PRDM1: variants seen among roughly 807,000 people sequenced by gnomAD.
PRDM1 encodes PR domain zinc finger protein 1.
PRDM1 carries 13 observed loss-of-function variants against 62.8 expected under a neutral mutation model. That is an observed-to-expected ratio of 0.21 (90% CI 0.13 to 0.33). The LOEUF is 0.33. Among genes scored for constraint, PRDM1 ranks in the 10% least tolerant of loss-of-function variants. The probability of loss-of-function intolerance (pLI) is 1.00; values close to 1 mark genes in which losing one functional copy is unlikely to be tolerated. For missense variants in PRDM1, 895 were observed against 1,058.8 expected, an observed-to-expected ratio of 0.85 and a Z score of 2.15; for synonymous variants, 396 against 417.6, an observed-to-expected ratio of 0.95 and a Z score of 0.63.
rs1279600866 is a variant in PRDM1, at chr6:106,109,493, T to A, written c.*2007T>A. 2 of 233,584 alleles carry A rather than the reference T, an allele frequency of 8.6e-6. No homozygotes were observed. The highest frequency in any genetic ancestry group is 1.7e-5 in the Non-Finnish European group (2 of 117,986). 14.5% of individuals were successfully genotyped at this position (233,584 alleles called of 1,614,324 possible). ...GTAGAAGAGAACAAATTTCGAATAATCCAGGGAAACCCAAGAGCCTTACTG... is the reference window on the plus strand; with the variant it reads ...GTAGAAGAGAACAAATTTCGAATAAACCAGGGAAACCCAAGAGCCTTACTG... On this transcript the variant is annotated 3_prime_UTR_variant, in exon 7 of 7. Coordinates refer to ENST00000369096, the MANE Select transcript of PRDM1 (RefSeq NM_001198.4).
Position 105,994,884 on chromosome 6 carries a change from C to T in PRDM1, c.-67+1245C>T, listed in dbSNP as rs561702465. ...CCCGGCCACGCGGTCCGACCGGGTC[C>T]GGGGACGGCGCGCTTGTCGCGGGAG... On this transcript the variant is annotated intron_variant, in intron 1 of 6. Coordinates refer to the PRDM1 transcript ENST00000652320. The surrounding 1 kb of genome is among the most constrained non-coding windows in gnomAD (Gnocchi z 4.1). 3.3e-5 allele frequency among the ~76,000 whole-genome samples: 5 copies of T among 152,332 alleles called. No homozygotes were observed. Among genetic ancestry groups the T allele is most frequent in the African/African-American group, 1.2e-4 (5 of 41,582 alleles).
intron 1 of PRDM1, among the ~76,000 whole-genome samples, chr6:106,052,552 A>T (rs1228995141): frequency 6.6e-6 from 1 of 152,146 alleles, no homozygotes; most frequent in African/African-American, 2.4e-5. Context: ...TAGCGTATTA[A>T]ATTAACAATT....
chr6:106,028,918 CTTTTTTTTTTTT>C (rs756143283), intron 1 of PRDM1, among the ~76,000 whole-genome samples: 1 of 124,278 alleles, frequency 8.0e-6, no homozygotes, highest in East Asian at 2.2e-4. Flanking sequence ...TTCTTTCCTT[CTTTTTTTTTTTT>C]TTTTTTTTTG....
At position 105,996,351 on chromosome 6, in the gene PRDM1, A is replaced by G. The variant is rs569646824; in HGVS notation, c.-67+2712A>G. Among the ~76,000 whole-genome samples, 237 of 152,318 alleles carry G rather than the reference A, an allele frequency of 1.6e-3. 1 individual carries two copies. The highest frequency in any genetic ancestry group is 5.7e-3 in the African/African-American group (235 of 41,568). ...GTGTAGTAAAAATTAATTAACAATTAATCATTTTTAAATTGAATATACAAT... is the reference window on the plus strand; with the variant it reads ...GTGTAGTAAAAATTAATTAACAATTGATCATTTTTAAATTGAATATACAAT... On this transcript the variant is annotated intron_variant, in intron 1 of 6. Coordinates refer to the PRDM1 transcript ENST00000652320.
chr6:106,023,953 G>A (rs1255289593), intron 1 of PRDM1, among the ~76,000 whole-genome samples: 1 of 152,126 alleles, frequency 6.6e-6, no homozygotes, highest in Admixed American at 6.6e-5. Flanking sequence ...ACCAGCCTAG[G>A]CAACATAGTG....
chr6:106,074,295 G>T (rs1773566422), intron 1 of PRDM1, among the ~76,000 whole-genome samples: 1 of 152,144 alleles, frequency 6.6e-6, no homozygotes, highest in South Asian at 2.1e-4. Context: ...CTTCCTTTAT[G>T]AAATTAAGAA....
chr6:106,102,214 C>T (rs1300217715), intron 4 of PRDM1, among the ~76,000 whole-genome samples: 2 of 152,140 alleles, frequency 1.3e-5, no homozygotes, highest in Non-Finnish European at 2.9e-5. Flanking sequence ...TGACTCCGTC[C>T]GCCTACAGCC....
At chr6:106,093,146 G>A (rs1485159487) in intron 2 of PRDM1, among the ~76,000 whole-genome samples, 7 of 152,126 alleles carry the variant, frequency 4.6e-5, no homozygotes, top group Non-Finnish European at 7.4e-5. Context: ...AGCTACTTCC[G>A]GTGCTGCTTT....
At chr6:106,085,240 T>G (rs563464705), upstream of PRDM1, among the ~76,000 whole-genome samples, 1 of 152,180 alleles carries the variant, frequency 6.6e-6, no homozygotes, top group South Asian at 2.1e-4. Context: ...ATTTAAAATG[T>G]TAGAAAAGAC....
chr6:105,995,302 G>C (rs576566451), intron 1 of PRDM1, among the ~76,000 whole-genome samples: 37 of 152,276 alleles, frequency 2.4e-4, no homozygotes, highest in African/African-American at 7.9e-4. Flanking sequence ...GGCACTCTGG[G>C]GGACGTTCTC....
intron 1 of PRDM1, among the ~76,000 whole-genome samples, chr6:106,062,676 C>T (rs2114593982): frequency 6.6e-6 from 1 of 152,330 alleles, no homozygotes; most frequent in African/African-American, 2.4e-5. Flanking sequence ...CTCCCTACCC[C>T]TCCTCCAACA....
At chr6:106,098,779 G>A (rs1463301922) in intron 3 of PRDM1, 4 of 1,487,332 alleles carry the variant, frequency 2.7e-6, no homozygotes, top group East Asian at 2.8e-5. Flanking sequence ...AGGGTTGGGG[G>A]TGGAGGATGT....
chr6:106,102,678 T>C (rs1314137121), intron 4 of PRDM1, among the ~76,000 whole-genome samples: 1 of 152,234 alleles, frequency 6.6e-6, no homozygotes, highest in Admixed American at 6.5e-5. Flanking sequence ...TGAAACTTTA[T>C]GCTTATTGCA....
In PRDM1 at chr6:106,086,342, G is replaced by T; in HGVS notation, c.-212G>T. The stretch of plus-strand genomic sequence containing the variant: ...GAGGGGAAGCCAGACGGTTAACACA[G>T]ACAAAGTGCTGCCGTGACACTCGGC... On this transcript the variant is annotated 5_prime_UTR_variant, in exon 1 of 7. Coordinates refer to ENST00000369096, the MANE Select transcript of PRDM1 (RefSeq NM_001198.4). The T allele has an allele frequency of 2.0e-6, 1 of 500,594 alleles. No individual in the cohort carries two copies. The highest frequency in any genetic ancestry group is 3.6e-6 in the Non-Finnish European group (1 of 279,664). 31.0% of individuals were successfully genotyped at this position (500,594 alleles called of 1,614,324 possible). A position where few individuals can be genotyped will look rare whatever the true frequency, so the allele number is the denominator to read the frequency against.
At chr6:106,039,561 C>T (rs1772964525) in intron 1 of PRDM1, among the ~76,000 whole-genome samples, 1 of 152,308 alleles carries the variant, frequency 6.6e-6, no homozygotes, top group African/African-American at 2.4e-5. Context: ...CCTAAACCCA[C>T]TCATTTCAGG....
At chr6:106,104,480 G>T (rs1160074603) in intron 4 of PRDM1, among the ~76,000 whole-genome samples, 1 of 152,182 alleles carries the variant, frequency 6.6e-6, no homozygotes, top group Non-Finnish European at 1.5e-5. Flanking sequence ...CAAAGTGCTG[G>T]GATTACAGGC....
rs1774595988 is a variant in PRDM1, at chr6:106,108,843, AATG to A, written c.*1361_*1363del. The A allele has an allele frequency of 4.3e-6, 1 of 232,488 alleles. No individual in the cohort carries two copies. Among genetic ancestry groups the A allele is most frequent in the South Asian group, 1.8e-4 (1 of 5,518 alleles). The allele number at this position is 232,488 out of a possible 1,614,324, so 14.4% of individuals were successfully genotyped here. A position where few individuals can be genotyped will look rare whatever the true frequency, so the allele number is the denominator to read the frequency against. ...ATTGAGTGTGTCCAGTAGTGCAGGA[AATG>A]ATGTCTTATCTAATGATTTGCTTCT... On this transcript the variant is annotated 3_prime_UTR_variant, in exon 7 of 7. Coordinates refer to ENST00000369096, the MANE Select transcript of PRDM1 (RefSeq NM_001198.4).
Position 106,105,105 on chromosome 6 carries a change from C to T in PRDM1, c.945C>T (p.Ala315=), listed in dbSNP as rs1774417274. ...LPEDFLKASL[A]YGIERPTYIT... ...AAGACTTTTTGAAAGCTTCCCTGGC[C>T]TACGGGATCGAGAGACCCACGTACA... The change falls in exon 5 of 7, where the codon GCC becomes GCT. Residue 315 remains alanine, a synonymous_variant. Transcript: ENST00000369096. The T allele has an allele frequency of 1.9e-6, 3 of 1,614,072 alleles. No homozygotes were observed. Among genetic ancestry groups the T allele is most frequent in the Non-Finnish European group, 2.5e-6 (3 of 1,180,008 alleles).
chr6:106,092,147 AC>A (rs144153929), intron 2 of PRDM1, among the ~76,000 whole-genome samples: 29,999 of 139,786 alleles, frequency 0.21, 3,498 homozygotes, highest in East Asian at 0.27. Context: ...AAAAAAAAAA[AC>A]AAACCTATAT....
Sources: allele counts gnomAD v4.1 joint callset (sites outside exome capture counted in the v4.1 genomes callset), GRCh38; gene constraint gnomAD v4.1.1; non-coding constraint Gnocchi (gnomAD v3.1); transcripts MANE v1.5; gene names NCBI Gene and HGNC (gene_info 2026-07-23, HGNC 2026-07-21).